Variants in SNTB1 observed in about 807,000 individuals in gnomAD.
SNTB1 encodes syntrophin beta 1, also known as beta-1-syntrophin.
Under a neutral mutation model 48.9 loss-of-function variants are expected in SNTB1, and 36 were observed. The observed-to-expected ratio is 0.74, with a 90% CI of 0.56 to 0.97. The LOEUF (loss-of-function observed/expected upper bound fraction) is 0.97. Ranked by LOEUF, SNTB1 falls within the 50% of genes least tolerant of loss-of-function variation. The probability of loss-of-function intolerance (pLI) is 0.00; values close to 1 mark genes in which losing one functional copy is unlikely to be tolerated. For synonymous variants in SNTB1, 299 were observed against 294.6 expected, an observed-to-expected ratio of 1.01 and a Z score of -0.15; for missense variants, 786 against 703.4, an observed-to-expected ratio of 1.12 and a Z score of -1.33.
At chr8:120,738,543 T>TC (rs1232289552) in intron 1 of SNTB1, among the ~76,000 whole-genome samples, 11 of 144,340 alleles carry the variant, frequency 7.6e-5, no homozygotes, top group African/African-American at 2.1e-4. Flanking sequence ...CTTCCTTCCT[T>TC]CTTTCCTTCC....
At chr8:120,727,715 A>G (rs1587118397) in intron 1 of SNTB1, among the ~76,000 whole-genome samples, 2 of 152,150 alleles carry the variant, frequency 1.3e-5, no homozygotes, top group African/African-American at 4.8e-5. Flanking sequence ...TCCTGTGTAA[A>G]ATTTACCATG....
At chr8:120,573,394 G>GTTTTT (rs36132752) in intron 4 of SNTB1, among the ~76,000 whole-genome samples, 3 of 151,586 alleles carry the variant, frequency 2.0e-5, no homozygotes, top group Non-Finnish European at 2.9e-5. Flanking sequence ...TTTTGAATCA[G>GTTTTT]TTTTCTTTTT....
intron 6 of SNTB1, among the ~76,000 whole-genome samples, chr8:120,540,339 G>A (rs1451777509): frequency 6.6e-6 from 1 of 152,152 alleles, no homozygotes; most frequent in Non-Finnish European, 1.5e-5. Flanking sequence ...ATTTGAGCTC[G>A]TCAACTAAAT....
chr8:120,541,902 T>C lies in SNTB1; in HGVS notation c.1432A>G (p.Ile478Val), dbSNP rs1437457674. The change falls in exon 6 of 7, where the codon ATC becomes GTC. Residue 478 changes from isoleucine (I) to valine (V), a missense_variant. Transcript: ENST00000517992. ...AGCTTTTCATAAGGAGACTGTATGATGGTCTTGGGAAAGGCACCCTCCTGT... is the reference window on the plus strand; with the variant it reads ...AGCTTTTCATAAGGAGACTGTATGACGGTCTTGGGAAAGGCACCCTCCTGT... ...EPQEGAFPKT[I>V]IQSPYEKLKM... is the part of the protein sequence containing the mutation. The C allele has an allele frequency of 2.5e-6, 4 of 1,613,976 alleles. No individual in the cohort carries two copies. Among genetic ancestry groups the C allele is most frequent in the East Asian group, 4.5e-5 (2 of 44,854 alleles).
At chr8:120,592,223 CCAGGCTGGAGTGCAGTGTCGTGATCACGG>C (rs1816251036) in intron 3 of SNTB1, among the ~76,000 whole-genome samples, 1 of 152,050 alleles carries the variant, frequency 6.6e-6, no homozygotes, top group Non-Finnish European at 1.5e-5. Flanking sequence ...GCTCTGTCAC[CCAGGCTGGAGTGCAGTGTCGTGATCACGG>C]CATGCTGCAG....
chr8:120,807,653 G>A (rs1453042404), intron 1 of SNTB1, among the ~76,000 whole-genome samples: 1 of 152,182 alleles, frequency 6.6e-6, no homozygotes, highest in Non-Finnish European at 1.5e-5. Context: ...TAGTGCATTA[G>A]GTTTTTAAGA....
At chr8:120,649,303 T>G (rs965312486) in intron 2 of SNTB1, among the ~76,000 whole-genome samples, 14 of 149,170 alleles carry the variant, frequency 9.4e-5, no homozygotes, top group Admixed American at 6.7e-5. Context: ...TGGTTTTATC[T>G]ACTTTTGGTC....
At chr8:120,799,929 C>T (rs1214690226) in intron 1 of SNTB1, among the ~76,000 whole-genome samples, 1 of 152,100 alleles carries the variant, frequency 6.6e-6, no homozygotes, top group Non-Finnish European at 1.5e-5. Context: ...GATATTACCA[C>T]TCTCATTTCC....
At chr8:120,624,264 ATTTACGTC>A (rs375871171) in intron 3 of SNTB1, among the ~76,000 whole-genome samples, 4 of 152,120 alleles carry the variant, frequency 2.6e-5, no homozygotes, top group South Asian at 2.1e-4. Flanking sequence ...AAGGAAAGAC[ATTTACGTC>A]TTATAGTTCT....
At chr8:120,569,945 C>G (rs1815817095) in intron 4 of SNTB1, among the ~76,000 whole-genome samples, 1 of 152,184 alleles carries the variant, frequency 6.6e-6, no homozygotes, top group South Asian at 2.1e-4. Context: ...ATCCTAGCCT[C>G]CTTGGCTCCT....
intron 6 of SNTB1, among the ~76,000 whole-genome samples, chr8:120,541,451 G>C (rs931126776): frequency 2.0e-5 from 3 of 152,084 alleles, no homozygotes; most frequent in African/African-American, 7.2e-5. Flanking sequence ...CTTTTACTTT[G>C]CTGCATCCCT....
rs1031323918 is a variant in SNTB1 at position 120,682,165 on chromosome 8, C to T, written c.788+11527G>A. 1.7e-4 allele frequency among the ~76,000 whole-genome samples: 26 copies of T among 152,152 alleles called. 1 individual carries two copies. Among genetic ancestry groups the T allele is most frequent in the Admixed American group, 8.5e-4 (13 of 15,284 alleles). On this transcript the variant is annotated intron_variant, in intron 2 of 6. Coordinates refer to ENST00000517992, the MANE Select transcript of SNTB1 (RefSeq NM_021021.4). ...TACAACATCAATCTAGAAGCCTCAA[C>T]ATCCTTCTAACAAGACATGTGAAGA...
chr8:120,811,179 A>G, intron 1 of SNTB1, 94 bp downstream of exon 1: 1 of 1,472,462 alleles, frequency 6.8e-7, no homozygotes, highest in Non-Finnish European at 9.0e-7. Context: ...GTGTGTCCGC[A>G]TGTGGCCGAG....
In SNTB1 at chr8:120,646,951, G is replaced by A. The variant is rs200652869; in HGVS notation, c.789-14300C>T. Among the ~76,000 whole-genome samples the A allele has an allele frequency of 6.6e-3, 999 of 151,890 alleles. 6 individuals carry two copies. The highest frequency in any genetic ancestry group is 0.021 in the African/African-American group (864 of 41,396). ...CTTCTAGATTTTCTAGTTTATTTGCGTAGAGGTGTTTGTAGTATTCTCTGA... is the reference window on the plus strand; with the variant it reads ...CTTCTAGATTTTCTAGTTTATTTGCATAGAGGTGTTTGTAGTATTCTCTGA... On this transcript the variant is annotated intron_variant, in intron 2 of 6. Transcript: ENST00000517992.
intron 3 of SNTB1, among the ~76,000 whole-genome samples, chr8:120,601,906 C>T (rs894684584): frequency 1.3e-5 from 2 of 152,062 alleles, no homozygotes; most frequent in African/African-American, 4.8e-5. Context: ...TGGCTGTCTA[C>T]GGTAATAAAG....
chr8:120,695,730 G>C (rs1818201134), intron 1 of SNTB1, among the ~76,000 whole-genome samples: 1 of 151,854 alleles, frequency 6.6e-6, no homozygotes, highest in Admixed American at 6.6e-5. Flanking sequence ...CTTTATTGAG[G>C]GACTCAATCA....
In SNTB1 at chr8:120,787,152, G is replaced by A. The variant is rs555195462; in HGVS notation, c.571+24121C>T. 1.3e-3 allele frequency among the ~76,000 whole-genome samples: 191 copies of A among 152,168 alleles called. 1 individual carries two copies. The highest frequency in any genetic ancestry group is 4.4e-3 in the African/African-American group (184 of 41,520). On this transcript the variant is annotated intron_variant, in intron 1 of 6. Coordinates refer to ENST00000517992, the MANE Select transcript of SNTB1 (RefSeq NM_021021.4). ...TTCACCATGGAAAATACCCAGAGCT[G>A]AAGCTAGGTGACAATAACCTATAAA...
intron 2 of SNTB1, among the ~76,000 whole-genome samples, chr8:120,674,414 G>A (rs143253085): frequency 2.0e-5 from 3 of 152,346 alleles, no homozygotes; most frequent in African/African-American, 7.2e-5. Context: ...TACTCATGGA[G>A]CTGGTGAGGA....
At chr8:120,770,119 C>T (rs1819594511) in intron 1 of SNTB1, among the ~76,000 whole-genome samples, 1 of 152,206 alleles carries the variant, frequency 6.6e-6, no homozygotes, top group African/African-American at 2.4e-5. Context: ...AAATGCATCT[C>T]TTCCTACCAG....
Sources: gnomAD v4.1 joint callset for allele counts (sites outside exome capture counted in the v4.1 genomes callset) on GRCh38, gnomAD v4.1.1 for gene constraint, MANE v1.5 for transcripts, NCBI Gene and HGNC (gene_info 2026-07-23, HGNC 2026-07-21) for gene names.